Variants in ARHGAP1 observed in about 807,000 individuals in gnomAD.
ARHGAP1 encodes the protein Rho GTPase activating protein 1.
In ARHGAP1, 23 loss-of-function variants were observed where a neutral mutation model predicts 52.2. The ratio of observed to expected loss-of-function variants is 0.44; its 90% CI spans 0.32 to 0.62. ARHGAP1 has a LOEUF of 0.62. Among genes scored for constraint, ARHGAP1 ranks in the 20% least tolerant of loss-of-function variants. The pLI, the probability that ARHGAP1 is intolerant of heterozygous loss-of-function variation, is 0.05. For synonymous variants in ARHGAP1, 210 were observed against 228.4 expected (o/e 0.92, Z 0.73); for missense variants, 480 against 560.9 (o/e 0.86, Z 1.46).
At chr11:46,688,657 A>AT (rs1207529042) in intron 3 of ARHGAP1, among the ~76,000 whole-genome samples, 2 of 151,792 alleles carry the variant, frequency 1.3e-5, no homozygotes, top group East Asian at 2.0e-4. Context: ...AAATTTTAAA[A>AT]TTTTTTGTAG....
rs866599971 is a variant in ARHGAP1, at chr11:46,677,290, C to G, written c.*1747G>C. On this transcript the variant is annotated 3_prime_UTR_variant, in exon 13 of 13. Coordinates refer to ENST00000311956, the MANE Select transcript of ARHGAP1 (RefSeq NM_004308.5). ...ATGGGGCTGTGAGCGACACTTGATACACAAAGGAGGGCGGAGAGCAGAGCA... is the reference window on the plus strand; with the variant it reads ...ATGGGGCTGTGAGCGACACTTGATAGACAAAGGAGGGCGGAGAGCAGAGCA... The G allele has an allele frequency of 1.3e-5, 2 of 152,552 alleles. No homozygotes were observed. The highest frequency in any genetic ancestry group is 2.9e-5 in the Non-Finnish European group (2 of 68,250). 9.4% of individuals were successfully genotyped at this position (152,552 alleles called of 1,614,324 possible). A position where few individuals can be genotyped will look rare whatever the true frequency, so the allele number is the denominator to read the frequency against.
In ARHGAP1 at chr11:46,678,003, C is replaced by A; in HGVS notation, c.*1034G>T. On this transcript the variant is annotated 3_prime_UTR_variant, in exon 13 of 13. Transcript: ENST00000311956. ...TAATCCCCTGGGGAAATTGCTAGAACCCACCTATCTGGACTGACCTATCAG... is the reference window on the plus strand; with the variant it reads ...TAATCCCCTGGGGAAATTGCTAGAAACCACCTATCTGGACTGACCTATCAG... 2.3e-6 allele frequency: 1 copy of A among 433,016 alleles called. No homozygotes were observed. Among genetic ancestry groups the A allele is most frequent in the South Asian group, 1.6e-5 (1 of 61,570 alleles). The allele number at this position is 433,016 out of a possible 1,614,324, so 26.8% of individuals were successfully genotyped here. A position where few individuals can be genotyped will look rare whatever the true frequency, so the allele number is the denominator to read the frequency against.
Position 46,681,468 on chromosome 11 carries a change from C to CTCTGTCTCAAA in ARHGAP1, c.450-90_450-89insTTTGAGACAGA. Reference sequence around the variant, plus strand: ...CAGTGCATACTTTTTTTTTTTGAGACAGAGTCTCCTTCACCCAGGCTGGAG... The same window carrying CTCTGTCTCAAA: ...CAGTGCATACTTTTTTTTTTTGAGACTCTGTCTCAAAAGAGTCTCCTTCACCCAGGCTGGAG... On this transcript the variant is annotated intron_variant, in intron 5 of 12. Transcript: ENST00000311956. This position sits in a 1 kb window ranked among gnomAD's most constrained non-coding sequence, Gnocchi z 5.7. The CTCTGTCTCAAA allele has an allele frequency of 1.1e-6, 1 of 944,954 alleles. No homozygotes were observed. Among genetic ancestry groups the CTCTGTCTCAAA allele is most frequent in the Non-Finnish European group, 1.7e-6 (1 of 582,604 alleles). 58.5% of individuals were successfully genotyped at this position (944,954 alleles called of 1,614,324 possible). A position where few individuals can be genotyped will look rare whatever the true frequency, so the allele number is the denominator to read the frequency against.
intron 4 of ARHGAP1, among the ~76,000 whole-genome samples, chr11:46,684,015 C>G (rs1048779454): frequency 6.6e-6 from 1 of 152,152 alleles, no homozygotes; most frequent in African/African-American, 2.4e-5. Context: ...GGAGGCTGGG[C>G]AGGCAGAATG....
In ARHGAP1 at chr11:46,679,012, G is replaced by A. The variant is rs1429112464; in HGVS notation, c.*25C>T. ...AGTCCAAACCCGGGCTACCAGAGAA[G>A]GGGCTGGTGGGGCAGGGGCCAGGTT... On this transcript the variant is annotated 3_prime_UTR_variant, in exon 13 of 13. Transcript: ENST00000311956. The surrounding 1 kb of genome is among the most constrained non-coding windows in gnomAD (Gnocchi z 4.4). 1.9e-6 allele frequency: 3 copies of A among 1,612,362 alleles called. No individual in the cohort carries two copies. Among genetic ancestry groups the A allele is most frequent in the Admixed American group, 1.7e-5 (1 of 59,774 alleles).
rs546303069 is a variant in ARHGAP1 at position 46,681,287 on chromosome 11, A to G, written c.536+6T>C. The G allele has an allele frequency of 4.3e-6, 7 of 1,610,338 alleles. No individual in the cohort carries two copies. In the African/African-American group the frequency reaches 8.0e-5, roughly 18 times the overall value. The stretch of plus-strand genomic sequence containing the variant: ...GGGACCACCAGCCCTGCCCGTGGCC[A>G]CTCACCTGATGAGGGGCTTGAAGAG... On this transcript the variant is annotated splice_donor_region_variant and intron_variant, in intron 6 of 12. Transcript: ENST00000311956. The surrounding 1 kb of genome is among the most constrained non-coding windows in gnomAD (Gnocchi z 5.7).
In ARHGAP1 at chr11:46,677,872, C is replaced by T. The variant is rs770595462; in HGVS notation, c.*1165G>A. On this transcript the variant is annotated 3_prime_UTR_variant, in exon 13 of 13. Transcript: ENST00000311956. ...GGCTGAGGCAGGAGAATTGCTTGAA[C>T]CCAGAAGGCGGAGGTGTGCCGAGAT... 3 of 412,774 alleles carry T rather than the reference C, an allele frequency of 7.3e-6. No homozygotes were observed. The highest frequency in any genetic ancestry group is 1.5e-4 in the East Asian group (2 of 12,994). The allele number at this position is 412,774 out of a possible 1,614,324, so 25.6% of individuals were successfully genotyped here.
At position 46,678,982 on chromosome 11, in the gene ARHGAP1, G is replaced by T. The variant is rs545629923; in HGVS notation, c.*55C>A. 1 of 1,579,472 alleles carries T rather than the reference G, an allele frequency of 6.3e-7. No homozygotes were observed. The highest frequency in any genetic ancestry group is 8.7e-7 in the Non-Finnish European group (1 of 1,154,502). On this transcript the variant is annotated 3_prime_UTR_variant, in exon 13 of 13. Transcript: ENST00000311956. Reference sequence around the variant, plus strand: ...GGCTTCATGGCCCCTGATGCCAGGAGGAAGAGTCCAAACCCGGGCTACCAG... The same window carrying T: ...GGCTTCATGGCCCCTGATGCCAGGATGAAGAGTCCAAACCCGGGCTACCAG...
In ARHGAP1 at chr11:46,678,037, C is replaced by T; in HGVS notation, c.*1000G>A. The T allele has an allele frequency of 2.6e-6, 1 of 384,118 alleles. No homozygotes were observed. The highest frequency in any genetic ancestry group is 1.8e-5 in the South Asian group (1 of 54,350). 23.8% of individuals were successfully genotyped at this position (384,118 alleles called of 1,614,324 possible). A position where few individuals can be genotyped will look rare whatever the true frequency, so the allele number is the denominator to read the frequency against. On this transcript the variant is annotated 3_prime_UTR_variant, in exon 13 of 13. Coordinates refer to ENST00000311956, the MANE Select transcript of ARHGAP1 (RefSeq NM_004308.5). ...CTGGACTGACCTATCAGCACAATCT[C>T]TGCCCCTCCTACGGGCACTCTTAGT...
rs2064653556 is a variant in ARHGAP1 at position 46,696,215 on chromosome 11, CT to C, written c.-49-60del. Reference sequence around the variant, plus strand: ...ACCTGCTCTTTTCACCTTCTGCGACCTCCACCGCGTGCCCTCCTGCCCCCAC... The same window carrying C: ...ACCTGCTCTTTTCACCTTCTGCGACCCCACCGCGTGCCCTCCTGCCCCCAC... On this transcript the variant is annotated intron_variant, in intron 1 of 12. Coordinates refer to ENST00000311956, the MANE Select transcript of ARHGAP1 (RefSeq NM_004308.5). The surrounding 1 kb of genome is among the most constrained non-coding windows in gnomAD (Gnocchi z 4.8). 1.6e-5 allele frequency: 20 copies of C among 1,261,654 alleles called. 2 individuals carry two copies. In the South Asian group the frequency reaches 2.9e-4, roughly 18 times the overall value. 78.2% of individuals were successfully genotyped at this position (1,261,654 alleles called of 1,614,324 possible). A position where few individuals can be genotyped will look rare whatever the true frequency, so the allele number is the denominator to read the frequency against.
In ARHGAP1 at chr11:46,679,815, T is replaced by C. The variant is rs768388530; in HGVS notation, c.899-39A>G. ...AGCGTGAGAGAAGCTCGGCACAGCCTGAAGGGCAGCACCCATCTGCAGACA... is the reference window on the plus strand; with the variant it reads ...AGCGTGAGAGAAGCTCGGCACAGCCCGAAGGGCAGCACCCATCTGCAGACA... On this transcript the variant is annotated intron_variant, in intron 10 of 12. Transcript: ENST00000311956. This position sits in a 1 kb window ranked among gnomAD's most constrained non-coding sequence, Gnocchi z 4.4. 3 of 1,610,932 alleles carry C rather than the reference T, an allele frequency of 1.9e-6. No individual in the cohort carries two copies. Among genetic ancestry groups the C allele is most frequent in the South Asian group, 2.2e-5 (2 of 91,014 alleles).
intron 4 of ARHGAP1, among the ~76,000 whole-genome samples, chr11:46,685,998 G>A (rs2064565639): frequency 7.0e-6 from 1 of 143,698 alleles, no homozygotes; most frequent in African/African-American, 2.6e-5. Context: ...TTGAGATGGA[G>A]TTTCGCTCTG....
At chr11:46,693,009 C>T (rs560505547) in intron 3 of ARHGAP1, among the ~76,000 whole-genome samples, 1,598 of 152,272 alleles carry the variant, frequency 0.01, 16 homozygotes, top group Non-Finnish European at 0.016. Context: ...CCCGCCACCA[C>T]GCCCAGAAAA....
intron 3 of ARHGAP1, among the ~76,000 whole-genome samples, chr11:46,690,130 A>G (rs2064600123): frequency 6.6e-6 from 1 of 150,866 alleles, no homozygotes; most frequent in South Asian, 2.1e-4. Flanking sequence ...TAGTCCCAAC[A>G]CTTTGGGAGG....
chr11:46,699,756 T>C (rs2064687024), intron 1 of ARHGAP1, among the ~76,000 whole-genome samples: 1 of 151,706 alleles, frequency 6.6e-6, no homozygotes, highest in African/African-American at 2.4e-5. Flanking sequence ...GGCCTCCCAG[T>C]TGCAAATCCC....
rs1207752117 is a variant in ARHGAP1 at position 46,678,763 on chromosome 11, CCTT to C, written c.*271_*273del. ...AGGAAAGGGGTTACTGGGGCTCAGTCCTTCTCCAGCTGGAAGAGCCAAGCCCAG... is the reference window on the plus strand; with the variant it reads ...AGGAAAGGGGTTACTGGGGCTCAGTCCTCCAGCTGGAAGAGCCAAGCCCAG... On this transcript the variant is annotated 3_prime_UTR_variant, in exon 13 of 13. Coordinates refer to ENST00000311956, the MANE Select transcript of ARHGAP1 (RefSeq NM_004308.5). 9 of 477,264 alleles carry C rather than the reference CCTT, an allele frequency of 1.9e-5. No homozygotes were observed. Among genetic ancestry groups the C allele is most frequent in the South Asian group, 8.0e-5 (3 of 37,352 alleles). The allele number at this position is 477,264 out of a possible 1,614,324, so 29.6% of individuals were successfully genotyped here.
Position 46,679,443 on chromosome 11 carries a change from T to C in ARHGAP1, c.1053A>G (p.Pro351=), listed in dbSNP as rs371270837. 4 of 1,614,048 alleles carry C rather than the reference T, an allele frequency of 2.5e-6. No homozygotes were observed. In the African/African-American group the frequency reaches 5.3e-5, roughly 22 times the overall value. Residue 351 remains proline (P), a synonymous_variant, in exon 12 of 13, where the codon CCA becomes CCG. Transcript: ENST00000311956. This position sits in a 1 kb window ranked among gnomAD's most constrained non-coding sequence, Gnocchi z 4.4. ...GCGTCTGGAGGACCTGCAGTGTCGC[T>C]GGCACCCTCTGGCTTTCATCAATGT... ...FLNIDESQRV[P]ATLQVLQTLP...
chr11:46,678,092 A>T lies in ARHGAP1; in HGVS notation c.*945T>A. The T allele has an allele frequency of 6.6e-6, 2 of 303,744 alleles. No homozygotes were observed. The highest frequency in any genetic ancestry group is 1.3e-5 in the Non-Finnish European group (2 of 154,070). The allele number at this position is 303,744 out of a possible 1,614,324, so 18.8% of individuals were successfully genotyped here. On this transcript the variant is annotated 3_prime_UTR_variant, in exon 13 of 13. Coordinates refer to ENST00000311956, the MANE Select transcript of ARHGAP1 (RefSeq NM_004308.5). The stretch of plus-strand genomic sequence containing the variant: ...ACCCCAGCCCCTTTAAGAGTCCCCC[A>T]GCTGGAGGAAGGAGCCATAAGATCC...
chr11:46,681,193 C>T lies in ARHGAP1; in HGVS notation c.537-84G>A, dbSNP rs537815366. 4.0e-5 allele frequency: 61 copies of T among 1,540,542 alleles called. No homozygotes were observed. The African/African-American group carries it at 5.4e-4, about 14-fold the overall frequency. Reference sequence around the variant, plus strand: ...CCCCTCAACACCCACCCAGTTCAGACGGAAGCCCAGCCGCACCTGGTGGTC... The same window carrying T: ...CCCCTCAACACCCACCCAGTTCAGATGGAAGCCCAGCCGCACCTGGTGGTC... On this transcript the variant is annotated intron_variant, in intron 6 of 12. Coordinates refer to ENST00000311956, the MANE Select transcript of ARHGAP1 (RefSeq NM_004308.5). The surrounding 1 kb of genome is among the most constrained non-coding windows in gnomAD (Gnocchi z 5.7).
Sources: allele counts gnomAD v4.1 joint callset (sites outside exome capture counted in the v4.1 genomes callset), GRCh38; gene constraint gnomAD v4.1.1; non-coding constraint Gnocchi (gnomAD v3.1); transcripts MANE v1.5; gene names NCBI Gene and HGNC (gene_info 2026-07-23, HGNC 2026-07-21).